ANKFN1: variants seen among roughly 807,000 people sequenced by gnomAD.
ANKFN1 encodes the protein ankyrin repeat and fibronectin type-III domain-containing protein 1.
A neutral mutation model predicts 108.7 loss-of-function variants in ANKFN1; 74 were observed. That is an observed-to-expected ratio of 0.68 (90% CI 0.56 to 0.83). The LOEUF (loss-of-function observed/expected upper bound fraction) is 0.83, where lower values mean the gene tolerates loss of function less well. ANKFN1 is among the 40% of genes least tolerant of loss of function. The probability of loss-of-function intolerance (pLI) is 0.00; values close to 1 mark genes in which losing one functional copy is unlikely to be tolerated. For missense variants in ANKFN1, 1,505 were observed against 1,382.3 expected (o/e 1.09, Z -1.41); for synonymous variants, 547 against 516.2 (o/e 1.06, Z -0.81).
intron 8 of ANKFN1, among the ~76,000 whole-genome samples, chr17:56,422,327 A>T (rs963534681): frequency 1.3e-5 from 2 of 152,218 alleles, no homozygotes; most frequent in African/African-American, 2.4e-5. Flanking sequence ...TTATTGGACC[A>T]TGTGGTTTTA....
intron 3 of ANKFN1, among the ~76,000 whole-genome samples, chr17:56,259,746 A>G (rs1016178137): frequency 2.0e-5 from 3 of 152,206 alleles, no homozygotes; most frequent in Non-Finnish European, 4.4e-5. Flanking sequence ...TAGTTAATGA[A>G]AACTGTATCT....
chr17:56,464,826 A>G (rs2050023411), intron 14 of ANKFN1, among the ~76,000 whole-genome samples: 1 of 152,246 alleles, frequency 6.6e-6, no homozygotes, highest in African/African-American at 2.4e-5. Context: ...GATGATACTC[A>G]GGACCAGAGA....
chr17:56,060,980 A>G (rs985831087), intron 4 of ANKFN1, among the ~76,000 whole-genome samples: 1 of 152,082 alleles, frequency 6.6e-6, no homozygotes, highest in African/African-American at 2.4e-5. Flanking sequence ...CTCTTTTTCA[A>G]CTGTTTGGAA....
intron 8 of ANKFN1, among the ~76,000 whole-genome samples, chr17:56,420,954 C>T (rs2048387756): frequency 6.6e-6 from 1 of 152,040 alleles, no homozygotes; most frequent in Admixed American, 6.6e-5. Context: ...GTGATCCGCC[C>T]GCCTCGGCCT....
chr17:56,431,042 A>C (rs1306221845), intron 8 of ANKFN1, among the ~76,000 whole-genome samples: 1 of 152,192 alleles, frequency 6.6e-6, no homozygotes, highest in Non-Finnish European at 1.5e-5. Context: ...CTGAGACAGG[A>C]AGGAGTCTGG....
intron 4 of ANKFN1, among the ~76,000 whole-genome samples, chr17:56,330,795 T>C (rs2045641810): frequency 6.6e-6 from 1 of 152,194 alleles, no homozygotes; most frequent in Non-Finnish European, 1.5e-5. Flanking sequence ...CCATAAGTAT[T>C]TGTTGAACTG....
intron 8 of ANKFN1, among the ~76,000 whole-genome samples, chr17:56,420,012 G>T (rs921137146): frequency 6.6e-6 from 1 of 151,978 alleles, no homozygotes; most frequent in South Asian, 2.1e-4. Context: ...CATTTATCCT[G>T]CAGTCTACGG....
intron 8 of ANKFN1, among the ~76,000 whole-genome samples, chr17:56,417,949 A>G (rs2048289402): frequency 6.6e-6 from 1 of 152,148 alleles, no homozygotes; most frequent in African/African-American, 2.4e-5. Flanking sequence ...TTTCTACATG[A>G]GTGTTTTCTT....
intron 4 of ANKFN1, among the ~76,000 whole-genome samples, chr17:56,095,307 T>TTTC (rs1555593398): frequency 0.053 from 7,889 of 150,060 alleles, 671 homozygotes; most frequent in East Asian, 0.15. Flanking sequence ...TTTTTTTTTT[T>TTTC]CTGATACGTG....
intron 2 of ANKFN1, among the ~76,000 whole-genome samples, chr17:56,219,736 A>AGG (rs1915706601): frequency 6.6e-6 from 1 of 152,146 alleles, no homozygotes; most frequent in Non-Finnish European, 1.5e-5. Context: ...TTTGGGAGTC[A>AGG]GTTTTGAATT....
At chr17:56,289,560 C>G (rs140080127) in intron 3 of ANKFN1, among the ~76,000 whole-genome samples, 2 of 152,206 alleles carry the variant, frequency 1.3e-5, no homozygotes, top group Non-Finnish European at 2.9e-5. Context: ...GGTTCAGAAT[C>G]AAACTTGCCC....
intron 4 of ANKFN1, among the ~76,000 whole-genome samples, chr17:56,055,498 G>A (rs918008808): frequency 3.5e-5 from 5 of 144,110 alleles, no homozygotes; most frequent in Non-Finnish European, 7.5e-5. Context: ...ATATGTGTGT[G>A]TGTATGTATG....
intron 2 of ANKFN1, among the ~76,000 whole-genome samples, chr17:56,216,674 C>T (rs1915446556): frequency 1.3e-5 from 2 of 152,134 alleles, no homozygotes; most frequent in African/African-American, 4.8e-5. Context: ...AAATGGGAGC[C>T]AAAAGACCTA....
intron 1 of ANKFN1, among the ~76,000 whole-genome samples, chr17:56,175,015 C>G (rs1169851541): frequency 1.3e-5 from 2 of 152,094 alleles, no homozygotes; most frequent in Non-Finnish European, 2.9e-5. Flanking sequence ...GCTGATCACC[C>G]CCACCCACCT....
chr17:56,049,223 T>C (rs1166108381), intron 4 of ANKFN1, among the ~76,000 whole-genome samples: 1 of 152,164 alleles, frequency 6.6e-6, no homozygotes, highest in Non-Finnish European at 1.5e-5. Context: ...ATTGCTTCAG[T>C]GATTATCTCT....
At chr17:56,197,908 G>T (rs2061038944) in intron 1 of ANKFN1, among the ~76,000 whole-genome samples, 1 of 152,206 alleles carries the variant, frequency 6.6e-6, no homozygotes, top group South Asian at 2.1e-4. Flanking sequence ...TACTCAGGAG[G>T]CTGAGGTGGG....
intron 1 of ANKFN1, among the ~76,000 whole-genome samples, chr17:56,203,437 T>A (rs917561470): frequency 6.6e-6 from 1 of 152,200 alleles, no homozygotes; most frequent in Admixed American, 6.5e-5. Context: ...GTCTAGGCCC[T>A]CAATATTCAT....
chr17:56,166,519 A>G (rs1455934620), intron 1 of ANKFN1, among the ~76,000 whole-genome samples: 1 of 152,164 alleles, frequency 6.6e-6, no homozygotes, highest in Non-Finnish European at 1.5e-5. Context: ...ACATTCCACA[A>G]TTCTACAGTC....
intron 18 of ANKFN1, among the ~76,000 whole-genome samples, chr17:56,486,769 T>G (rs1408342338): frequency 6.6e-6 from 1 of 152,160 alleles, no homozygotes; most frequent in Non-Finnish European, 1.5e-5. Flanking sequence ...AATAACCACA[T>G]GGGAATTCTA....
Sources: allele counts gnomAD v4.1 joint callset (sites outside exome capture counted in the v4.1 genomes callset), GRCh38; gene constraint gnomAD v4.1.1; transcripts MANE v1.5; gene names NCBI Gene and HGNC (gene_info 2026-07-23, HGNC 2026-07-21).